The following UGT2B4 variants were observed in gnomAD, a reference collection of about 807,000 sequenced individuals.
The protein encoded by UGT2B4 is UDP glucuronosyltransferase family 2 member B4, also known as UDP-glucuronosyltransferase 2B4.
UGT2B4 carries 49 observed loss-of-function variants against 49.8 expected under a neutral mutation model. The observed-to-expected ratio is 0.98, with a 90% CI of 0.78 to 1.25. UGT2B4 has a LOEUF of 1.25. Among genes scored for constraint, UGT2B4 ranks in the 50% most tolerant of loss-of-function variants. UGT2B4 has a pLI of 0.00. For synonymous variants in UGT2B4, 246 were observed against 217.7 expected (o/e 1.13, Z -1.14); for missense variants, 729 against 627.7 (o/e 1.16, Z -1.73).
chr4:69,484,120 C>T (rs1727695398), intron 5 of UGT2B4, among the ~76,000 whole-genome samples: 5 of 151,984 alleles, frequency 3.3e-5, no homozygotes, highest in African/African-American at 7.3e-5. Flanking sequence ...TTTACACCCA[C>T]CAAGAATGGT....
intron 1 of UGT2B4, among the ~76,000 whole-genome samples, chr4:69,508,838 C>A (rs142994176): frequency 6.8e-4 from 104 of 152,222 alleles, no homozygotes; most frequent in African/African-American, 2.4e-3. Context: ...GTACATGCAC[C>A]CCTGAACTTA....
At chr4:69,491,348 A>G (rs1365595210) in intron 2 of UGT2B4, among the ~76,000 whole-genome samples, 1 of 151,952 alleles carries the variant, frequency 6.6e-6, no homozygotes, top group Non-Finnish European at 1.5e-5. Context: ...ATGTTTGATT[A>G]CTTTTGATGT....
rs192252842 is a variant in UGT2B4 at position 69,523,609 on chromosome 4, A to C, written c.-106+2078T>G. On this transcript the variant is annotated intron_variant, in intron 1 of 1. Transcript: ENST00000510114. ...ACAGCAGACACAAAGCAGATTTATC[A>C]TAATTCTCAAGGGCTGTTAGATTTC... 4.6e-5 allele frequency among the ~76,000 whole-genome samples: 7 copies of C among 152,248 alleles called. No homozygotes were observed. In the East Asian group the frequency reaches 1.4e-3, roughly 30 times the overall value.
chr4:69,482,068 A>T (rs1204177193), intron 5 of UGT2B4, among the ~76,000 whole-genome samples: 1 of 152,124 alleles, frequency 6.6e-6, no homozygotes, highest in East Asian at 1.9e-4. Context: ...TTCTAGGGAC[A>T]TTGGCCTTAT....
At chr4:69,481,975 T>A (rs1438165173) in intron 5 of UGT2B4, among the ~76,000 whole-genome samples, 2 of 152,190 alleles carry the variant, frequency 1.3e-5, no homozygotes, top group African/African-American at 4.8e-5. Flanking sequence ...AAGAATAAAA[T>A]CCAACTCTGT....
In UGT2B4 at chr4:69,480,518, T is replaced by G. The variant is rs1727551406; in HGVS notation, c.*116A>C. 6.8e-7 allele frequency: 1 copy of G among 1,480,826 alleles called. No homozygotes were observed. Among genetic ancestry groups the G allele is most frequent in the African/African-American group, 1.4e-5 (1 of 71,078 alleles). 91.7% of individuals were successfully genotyped at this position (1,480,826 alleles called of 1,614,324 possible). ...AAATTTTGACTTGACAAGGTAAGTTTTGAAAGATGTTTTGTCACAAGAAGA... is the reference window on the plus strand; with the variant it reads ...AAATTTTGACTTGACAAGGTAAGTTGTGAAAGATGTTTTGTCACAAGAAGA... On this transcript the variant is annotated 3_prime_UTR_variant, in exon 6 of 6. Coordinates refer to ENST00000305107, the MANE Select transcript of UGT2B4 (RefSeq NM_021139.3).
intron 1 of UGT2B4, among the ~76,000 whole-genome samples, chr4:69,506,108 C>G (rs757706487): frequency 6.6e-6 from 1 of 151,900 alleles, no homozygotes; most frequent in South Asian, 2.1e-4. Context: ...ACTAAATGCC[C>G]GCATTGGAAA....
chr4:69,493,558 G>C, intron 2 of UGT2B4, 135 bp downstream of exon 2: 2 of 1,022,606 alleles, frequency 2.0e-6, no homozygotes, highest in Non-Finnish European at 2.7e-6. Context: ...CAACATGTAC[G>C]TCAGTTTCTA....
exon 1 of UGT2B4, chr4:69,525,692 C>T: frequency 1.6e-6 from 2 of 1,279,238 alleles, no homozygotes; most frequent in South Asian, 1.3e-5. Context: ...CTTACCTAAT[C>T]CATTCGTTGA....
intron 1 of UGT2B4, among the ~76,000 whole-genome samples, chr4:69,523,855 T>C (rs1728901526): frequency 1.3e-5 from 2 of 152,262 alleles, no homozygotes; most frequent in South Asian, 4.1e-4. Flanking sequence ...GGCTAGATTG[T>C]TTGGATAATT....
chr4:69,512,123 C>A (rs1165386052), intron 1 of UGT2B4, among the ~76,000 whole-genome samples: 1 of 149,948 alleles, frequency 6.7e-6, no homozygotes, highest in Non-Finnish European at 1.5e-5. Context: ...TTCCATTTTT[C>A]CATTCTTAAT....
At chr4:69,499,311 T>A (rs1728242414), upstream of UGT2B4, among the ~76,000 whole-genome samples, 1 of 152,200 alleles carries the variant, frequency 6.6e-6, no homozygotes, top group Non-Finnish European at 1.5e-5. Flanking sequence ...GTAAGTGCAA[T>A]GCGGTACAAA....
At chr4:69,500,217 G>A (rs1288140375), upstream of UGT2B4, among the ~76,000 whole-genome samples, 2 of 152,086 alleles carry the variant, frequency 1.3e-5, no homozygotes, top group Non-Finnish European at 2.9e-5. Flanking sequence ...GACACATGGA[G>A]GGGAACAACA....
upstream of UGT2B4, among the ~76,000 whole-genome samples, chr4:69,499,075 C>G (rs576623011): frequency 1.3e-5 from 2 of 152,246 alleles, no homozygotes; most frequent in South Asian, 4.1e-4. Context: ...TTTGTTCTCA[C>G]TGGTTTGAAA....
intron 2 of UGT2B4, among the ~76,000 whole-genome samples, 170 bp downstream of exon 2, chr4:69,493,523 G>T (rs1233777028): frequency 6.6e-6 from 1 of 152,074 alleles, no homozygotes; most frequent in Non-Finnish European, 1.5e-5. Context: ...TAATAATGAT[G>T]AAATTCATAA....
At chr4:69,504,003 C>T (rs1272515700) in intron 1 of UGT2B4, among the ~76,000 whole-genome samples, 13 of 152,136 alleles carry the variant, frequency 8.5e-5, no homozygotes, top group Non-Finnish European at 7.4e-5. Flanking sequence ...GAAACAAAGC[C>T]AATTGGCTGA....
intron 1 of UGT2B4, among the ~76,000 whole-genome samples, chr4:69,520,540 C>T (rs761006336): frequency 2.6e-5 from 4 of 152,238 alleles, no homozygotes; most frequent in Admixed American, 2.0e-4. Context: ...CTCAGAAGTG[C>T]CAGCTCCCGC....
chr4:69,490,236 A>T (rs2109809415), intron 2 of UGT2B4, among the ~76,000 whole-genome samples: 1 of 152,276 alleles, frequency 6.6e-6, no homozygotes, highest in South Asian at 2.1e-4. Flanking sequence ...TCTATAAATA[A>T]TTCTGTATTC....
intron 5 of UGT2B4, among the ~76,000 whole-genome samples, chr4:69,483,948 A>G (rs1727689206): frequency 6.6e-6 from 1 of 152,186 alleles, no homozygotes; most frequent in African/African-American, 2.4e-5. Context: ...TTCTTATATA[A>G]AACTCAATAA....
Sources: allele counts gnomAD v4.1 joint callset (sites outside exome capture counted in the v4.1 genomes callset), GRCh38; gene constraint gnomAD v4.1.1; transcripts MANE v1.5; gene names NCBI Gene and HGNC (gene_info 2026-07-23, HGNC 2026-07-21).